Variants in CNGA4 observed in about 807,000 individuals in gnomAD.
The protein encoded by CNGA4 is cyclic nucleotide-gated channel alpha-4.
Under a neutral mutation model 45.6 loss-of-function variants are expected in CNGA4, and 32 were observed. The ratio of observed to expected loss-of-function variants is 0.70; its 90% CI spans 0.53 to 0.94. The LOEUF (loss-of-function observed/expected upper bound fraction) is 0.94, where lower values mean the gene tolerates loss of function less well. CNGA4 is among the 40% of genes least tolerant of loss of function. CNGA4 has a pLI of 0.00. For synonymous variants in CNGA4, 293 were observed against 304.6 expected (o/e 0.96, Z 0.40); for missense variants, 726 against 755.1 (o/e 0.96, Z 0.45).
At chr11:6,238,317 A>G (rs750120998), upstream of CNGA4, among the ~76,000 whole-genome samples, 14 of 152,182 alleles carry the variant, frequency 9.2e-5, no homozygotes, top group Non-Finnish European at 1.5e-4. Context: ...ATTTAGCACA[A>G]TATTGGCCTG....
At chr11:6,239,853 G>A in intron 3 of CNGA4, 63 bp downstream of exon 3, 1 of 1,515,712 alleles carries the variant, frequency 6.6e-7, no homozygotes, top group South Asian at 1.2e-5. Flanking sequence ...AGCCACTTAA[G>A]AAGTAACAAG....
chr11:6,237,034 T>G (rs1261435493), upstream of CNGA4, among the ~76,000 whole-genome samples: 1 of 152,192 alleles, frequency 6.6e-6, no homozygotes, highest in East Asian at 1.9e-4. Flanking sequence ...TTGGGCAAAC[T>G]GTCAAACAGA....
Position 6,241,037 on chromosome 11 carries a change from C to T in CNGA4, c.917+326C>T, listed in dbSNP as rs186715994. Among the ~76,000 whole-genome samples, 17 of 152,232 alleles carry T rather than the reference C, an allele frequency of 1.1e-4. No individual in the cohort carries two copies. The East Asian group carries it at 2.9e-3, about 26-fold the overall frequency. On this transcript the variant is annotated intron_variant, in intron 4 of 5. Coordinates refer to ENST00000379936, the MANE Select transcript of CNGA4 (RefSeq NM_001037329.4). ...GAGTGGGTGAAGAAGGGCAATCCCC[C>T]CTGAGAATGGTCAGCAACAAGATCA...
intron 5 of CNGA4, 184 bp downstream of exon 5, chr11:6,241,964 G>A (rs1215036921): frequency 1.6e-6 from 1 of 611,620 alleles, no homozygotes; most frequent in African/African-American, 1.9e-5. Flanking sequence ...TCCCTGAGAA[G>A]AAGCTGAGCC....
upstream of CNGA4, chr11:6,234,802 T>A (rs1395383020): frequency 6.6e-6 from 1 of 152,048 alleles, no homozygotes; most frequent in African/African-American, 2.4e-5. Context: ...AAGGGCGGGG[T>A]CGCCGACGGC....
In CNGA4 at chr11:6,244,033, G is replaced by A. The variant is rs763104256; in HGVS notation, c.1352G>A (p.Arg451Gln). The change falls in exon 6 of 6, where the codon CGG (arginine) becomes CAG (glutamine). Residue 451 changes from arginine to glutamine, a missense_variant. Physicochemically the swap from Arg to Gln is conservative, Grantham distance 43. Transcript: ENST00000379936. This position sits in a 1 kb window ranked among gnomAD's most constrained non-coding sequence, Gnocchi z 4.5. ...TTCTGCCTGAGCAAGGAGGACCTGC[G>A]GGAGGTGCTGAGCGAGTATCCACAA... Reference protein sequence around the residue: ...DLFCLSKEDLREVLSEYPQAQ... With the variant: ...DLFCLSKEDLQEVLSEYPQAQ... The A allele has an allele frequency of 5.5e-5, 88 of 1,614,050 alleles. No homozygotes were observed. The highest frequency in any genetic ancestry group is 9.3e-5 in the African/African-American group (7 of 74,924).
In CNGA4 at chr11:6,240,491, G is replaced by A. The variant is rs1847900673; in HGVS notation, c.697G>A (p.Gly233Ser). ...CTCCACGCTGATACTGACTACAGTG[G>A]GCGATACACCGCCGCCAGCCAGGGA... ...YFSTLILTTV[G>S]DTPPPAREEE... is the part of the protein sequence containing the mutation. The change falls in exon 4 of 6, where the codon GGC (glycine) becomes AGC (serine). Residue 233 changes from glycine to serine, a missense_variant. Physicochemically the swap from Gly to Ser is moderately conservative, Grantham distance 56. Coordinates refer to ENST00000379936, the MANE Select transcript of CNGA4 (RefSeq NM_001037329.4). This position sits in a 1 kb window ranked among gnomAD's most constrained non-coding sequence, Gnocchi z 4.9. The A allele has an allele frequency of 6.2e-7, 1 of 1,614,206 alleles. No homozygotes were observed. The highest frequency in any genetic ancestry group is 8.5e-7 in the Non-Finnish European group (1 of 1,180,054).
At chr11:6,239,612 T>G in intron 2 of CNGA4, 72 bp from the exon 3 acceptor site, 2 of 1,569,646 alleles carry the variant, frequency 1.3e-6, no homozygotes, top group Admixed American at 3.4e-5. Context: ...GGCAGAGGGT[T>G]AAGGGCCCTG....
At chr11:6,239,979 C>A (rs1847887783) in intron 3 of CNGA4, 87 bp from the exon 4 acceptor site, 2 of 1,501,180 alleles carry the variant, frequency 1.3e-6, no homozygotes, top group South Asian at 1.3e-5. Context: ...GTCCTTCAGA[C>A]AGTCTCCCTG....
chr11:6,240,020 A>G lies in CNGA4; in HGVS notation c.272-46A>G, dbSNP rs375093341. 105 of 1,566,964 alleles carry G rather than the reference A, an allele frequency of 6.7e-5. No individual in the cohort carries two copies. The Admixed American group carries it at 7.0e-4, about 10-fold the overall frequency. On this transcript the variant is annotated intron_variant, in intron 3 of 5. Transcript: ENST00000379936. The surrounding 1 kb of genome is among the most constrained non-coding windows in gnomAD (Gnocchi z 4.9). ...CCCTGGGCAGCTCATGCTCAGCCCA[A>G]GCTTGACTACAGCAGGTCCGCTTCC...
rs772770696 is a variant in CNGA4 at position 6,241,721 on chromosome 11, A to G, written c.1208A>G (p.Gln403Arg). 6.2e-7 allele frequency: 1 copy of G among 1,614,218 alleles called. No individual in the cohort carries two copies. Among genetic ancestry groups the G allele is most frequent in the South Asian group, 1.1e-5 (1 of 91,078 alleles). ...LAVVADDGIT[Q>R]YAVLGAGLYF... Reference sequence around the variant, plus strand: ...GTGGTGGCAGATGATGGTATCACACAGTATGCTGTGCTCGGTGCAGGGCTC... The same window carrying G: ...GTGGTGGCAGATGATGGTATCACACGGTATGCTGTGCTCGGTGCAGGGCTC... The change falls in exon 5 of 6, where the codon CAG (glutamine) becomes CGG (arginine). Residue 403 changes from glutamine (Q) to arginine (R), a missense_variant. Transcript: ENST00000379936.
chr11:6,239,352 G>GA (rs1483699948), intron 1 of CNGA4, 32 bp from the exon 2 acceptor site: 4 of 1,613,336 alleles, frequency 2.5e-6, no homozygotes, highest in Non-Finnish European at 3.4e-6. Flanking sequence ...AATGCCTGGT[G>GA]AATAAATGAA....
intron 5 of CNGA4, among the ~76,000 whole-genome samples, chr11:6,243,547 A>G (rs558364549): frequency 1.3e-4 from 20 of 152,300 alleles, no homozygotes; most frequent in African/African-American, 4.8e-4. Flanking sequence ...TGGGGATTAC[A>G]TTTCACATGA....
In CNGA4 at chr11:6,239,153, C is replaced by CTA; in HGVS notation, c.-53_-52dup. 1.2e-6 allele frequency: 2 copies of CTA among 1,612,054 alleles called. No individual in the cohort carries two copies. The highest frequency in any genetic ancestry group is 1.7e-6 in the Non-Finnish European group (2 of 1,179,874). On this transcript the variant is annotated 5_prime_UTR_variant, in exon 1 of 6. Coordinates refer to ENST00000379936, the MANE Select transcript of CNGA4 (RefSeq NM_001037329.4). ...ACTAGTGCCCAACTCCAGAAGTCCCCTACAGGCAGAGAGGGTGTGGACATC... is the reference window on the plus strand; with the variant it reads ...ACTAGTGCCCAACTCCAGAAGTCCCCTATACAGGCAGAGAGGGTGTGGACATC...
chr11:6,237,118 A>C (rs979137156), upstream of CNGA4, among the ~76,000 whole-genome samples: 2 of 152,230 alleles, frequency 1.3e-5, no homozygotes, highest in Non-Finnish European at 2.9e-5. Flanking sequence ...CACGCATTCC[A>C]AGAGAACCAG....
chr11:6,240,346 C>A lies in CNGA4; in HGVS notation c.552C>A (p.Ser184Arg). ...LYIFVVIHWN[S>R]CLYFALSRYL... is the part of the protein sequence containing the mutation. ...TTTTTGTCGTCATCCATTGGAACAG[C>A]TGCCTATACTTTGCCCTATCCCGGT... is the stretch of plus-strand genomic sequence containing the variant. The change falls in exon 4 of 6, where the codon AGC (serine) becomes AGA (arginine). Residue 184 changes from serine to arginine, a missense_variant. Transcript: ENST00000379936. This position sits in a 1 kb window ranked among gnomAD's most constrained non-coding sequence, Gnocchi z 4.9. 6.2e-7 allele frequency: 1 copy of A among 1,614,216 alleles called. No homozygotes were observed. Among genetic ancestry groups the A allele is most frequent in the Non-Finnish European group, 8.5e-7 (1 of 1,180,044 alleles).
At chr11:6,242,046 A>G (rs1402145019) in intron 5 of CNGA4, 5 of 538,854 alleles carry the variant, frequency 9.3e-6, no homozygotes, top group Non-Finnish European at 1.6e-5. Context: ...CTGAAGCACC[A>G]ATAGACTAGT....
In CNGA4 at chr11:6,241,519, G is replaced by C; in HGVS notation, c.1006G>C (p.Val336Leu). 1.2e-6 allele frequency: 2 copies of C among 1,614,054 alleles called. No individual in the cohort carries two copies. Among genetic ancestry groups the C allele is most frequent in the Non-Finnish European group, 8.5e-7 (1 of 1,179,892 alleles). The change falls in exon 5 of 6, where the codon GTG becomes CTG. Residue 336 changes from valine (V) to leucine (L), a missense_variant. Val to Leu is a conservative substitution (Grantham distance 32). Transcript: ENST00000379936. ...LPERLRAEVA[V>L]SVHLSTLSRV... ...TGAGCGGCTGCGGGCAGAAGTGGCT[G>C]TGTCTGTGCACCTGTCCACTCTGAG... is the stretch of plus-strand genomic sequence containing the variant.
In CNGA4 at chr11:6,240,783, C is replaced by T. The variant is rs918940433; in HGVS notation, c.917+72C>T. On this transcript the variant is annotated intron_variant, in intron 4 of 5. Transcript: ENST00000379936. The surrounding 1 kb of genome is among the most constrained non-coding windows in gnomAD (Gnocchi z 4.9). Reference sequence around the variant, plus strand: ...TGGAACCTGAGGGAGGTAACTGGGTCCTTAGTGCCTGGTGAGCCAGGCAAG... The same window carrying T: ...TGGAACCTGAGGGAGGTAACTGGGTTCTTAGTGCCTGGTGAGCCAGGCAAG... The T allele has an allele frequency of 6.5e-7, 1 of 1,534,784 alleles. No homozygotes were observed. The highest frequency in any genetic ancestry group is 1.8e-5 in the Admixed American group (1 of 55,082).
Sources: gnomAD v4.1 joint callset for allele counts (sites outside exome capture counted in the v4.1 genomes callset) on GRCh38, gnomAD v4.1.1 for gene constraint, Gnocchi (gnomAD v3.1) non-coding constraint, MANE v1.5 for transcripts, NCBI Gene and HGNC (gene_info 2026-07-23, HGNC 2026-07-21) for gene names.